Variants in IRS4 observed in about 807,000 individuals in gnomAD.
The protein encoded by IRS4 is 160 kDa phosphotyrosine protein.
In IRS4, 15 loss-of-function variants were observed where a neutral mutation model predicts 48.6. The observed-to-expected ratio is 0.31, with a 90% CI of 0.21 to 0.48. IRS4 has a LOEUF of 0.48. Among genes scored for constraint, IRS4 ranks in the 20% least tolerant of loss-of-function variants. The pLI is 0.99. For missense variants in IRS4, 987 were observed against 1,023.4 expected, an observed-to-expected ratio of 0.96 and a Z score of 0.49; for synonymous variants, 459 against 413.2, an observed-to-expected ratio of 1.11 and a Z score of -1.34.
chrX:108,733,905 G>C lies in IRS4; in HGVS notation c.2440C>G (p.Pro814Ala), dbSNP rs1367359417. The C allele has an allele frequency of 1.7e-6, 2 of 1,209,689 alleles. No homozygotes were observed. The highest frequency in any genetic ancestry group is 2.2e-5 in the Admixed American group (1 of 45,795). Residue 814 changes from proline to alanine, a missense_variant, in exon 1 of 2, where the codon CCT (proline) becomes GCT (alanine). Physicochemically the swap from Pro to Ala is conservative, Grantham distance 27. This residue lies in a region of IRS4 where 720 missense variants were observed against 660.3 expected (regional missense o/e 1.09). Transcript: ENST00000372129. ...TGTCCCAAAGGTGAGCTCCGAAAAG[G>C]GTTTGGTAGAGAGAAGTAGGAGCTC... is the stretch of plus-strand genomic sequence containing the variant. The part of the protein sequence containing the change: ...SWSSYFSLPN[P>A]FRSSPLGQND...
At chrX:108,729,288 G>T (rs868059600) in intron 1 of IRS4, among the ~76,000 whole-genome samples, 1 of 101,638 alleles carries the variant, frequency 9.8e-6, no homozygotes, top group Non-Finnish European at 2.0e-5. Context: ...AATTACTAAA[G>T]TTTTTTTTTT....
rs1466061710 is a variant in IRS4, at chrX:108,736,184, A to G, written c.161T>C (p.Met54Thr). 6 of 1,207,392 alleles carry G rather than the reference A, an allele frequency of 5.0e-6. No homozygotes were observed. The highest frequency in any genetic ancestry group is 6.7e-6 in the Non-Finnish European group (6 of 894,057). ...IGTGSSCPGA[M>T]WLSTATGSRS... ...GGAGCCAGTGGCCGTGGAGAGCCACATGGCTCCCGGACAAGACGACCCGGT... is the reference window on the plus strand; with the variant it reads ...GGAGCCAGTGGCCGTGGAGAGCCACGTGGCTCCCGGACAAGACGACCCGGT... Residue 54 changes from methionine (M) to threonine (T), a missense_variant, in exon 1 of 2, where the codon ATG (methionine) becomes ACG (threonine). Coordinates refer to ENST00000372129, the MANE Select transcript of IRS4 (RefSeq NM_001379150.1).
chrX:108,727,513 G>T (rs2068881567), intron 1 of IRS4, among the ~76,000 whole-genome samples: 2 of 111,872 alleles, frequency 1.8e-5, no homozygotes, highest in Admixed American at 1.9e-4. Context: ...AAAACTCAGT[G>T]CTTTGTGATG....
chrX:108,720,617 C>G lies in IRS4; in HGVS notation c.*1902G>C, dbSNP rs2068852548. The G allele has an allele frequency of 9.0e-6, 1 of 111,591 alleles. No individual in the cohort carries two copies. The highest frequency in any genetic ancestry group is 3.7e-4 in the South Asian group (1 of 2,692). 9.2% of individuals were successfully genotyped at this position (111,591 alleles called of 1,213,427 possible). On this transcript the variant is annotated 3_prime_UTR_variant, in exon 2 of 2. Transcript: ENST00000372129. ...TAATCTTTTTTCCCACAATTCTGAACAATTATTACTTAACTTACTTGAAAA... is the reference window on the plus strand; with the variant it reads ...TAATCTTTTTTCCCACAATTCTGAAGAATTATTACTTAACTTACTTGAAAA...
rs1372396612 is a variant in IRS4, at chrX:108,733,447, C to T, written c.2898G>A (p.Val966=). ...FSNYVNVEFG[V]PFPNPANDLS... ...GGTCGTTTGCTGGATTTGGAAATGG[C>T]ACTCCAAACTCAACATTCACATAAT... is the stretch of plus-strand genomic sequence containing the variant. The change falls in exon 1 of 2, where the codon GTG becomes GTA. Residue 966 remains valine, a synonymous_variant. Coordinates refer to ENST00000372129, the MANE Select transcript of IRS4 (RefSeq NM_001379150.1). 1.9e-5 allele frequency: 23 copies of T among 1,209,622 alleles called. No homozygotes were observed. The highest frequency in any genetic ancestry group is 3.5e-5 in the South Asian group (2 of 56,780).
rs1465107391 is a variant in IRS4, at chrX:108,733,781, G to C, written c.2564C>G (p.Ala855Gly). ...TGATCCCTCACCTGAAGGCTTTGAA[G>C]CTGCATCTTTGGGGTCCCAGTTATA... ...VSYNWDPKDAASKPSGEGSFS... is the reference protein window; with the variant it reads ...VSYNWDPKDAGSKPSGEGSFS... The change falls in exon 1 of 2, where the codon GCT becomes GGT. Residue 855 changes from alanine (A) to glycine (G), a missense_variant. Physicochemically the swap from Ala to Gly is moderately conservative, Grantham distance 60 (BLOSUM62 0). Coordinates refer to ENST00000372129, the MANE Select transcript of IRS4 (RefSeq NM_001379150.1). The C allele has an allele frequency of 1.7e-6, 2 of 1,211,929 alleles. No individual in the cohort carries two copies. The highest frequency in any genetic ancestry group is 4.3e-5 in the Admixed American group (2 of 46,097).
rs780457158 is a variant in IRS4 at position 108,733,829 on chromosome X, C to T, written c.2516G>A (p.Arg839Lys). 10 of 1,211,486 alleles carry T rather than the reference C, an allele frequency of 8.3e-6. No individual in the cohort carries two copies. The highest frequency in any genetic ancestry group is 1.1e-5 in the Non-Finnish European group (10 of 895,490). Reference sequence around the variant, plus strand: ...ATAGGAGACTTCTTTGTCTAGGCCCCTCCCCAGGAACTTTCCAGGTAACAT... The same window carrying T: ...ATAGGAGACTTCTTTGTCTAGGCCCTTCCCCAGGAACTTTCCAGGTAACAT... ...VPMLPGKFLG[R>K]GLDKEVSYNW... Residue 839 changes from arginine (R) to lysine (K), a missense_variant, in exon 1 of 2, where the codon AGG becomes AAG. By Grantham distance (26) the Arg-to-Lys change is conservative (BLOSUM62 2). This residue lies in a region of IRS4 where 720 missense variants were observed against 660.3 expected (regional missense o/e 1.09). Coordinates refer to ENST00000372129, the MANE Select transcript of IRS4 (RefSeq NM_001379150.1).
rs762095063 is a variant in IRS4 at position 108,722,061 on chromosome X, A to T, written c.*458T>A. 1.8e-5 allele frequency: 2 copies of T among 112,269 alleles called. No homozygotes were observed. Among genetic ancestry groups the T allele is most frequent in the Non-Finnish European group, 3.7e-5 (2 of 53,363 alleles). The allele number at this position is 112,269 out of a possible 1,213,427, so 9.3% of individuals were successfully genotyped here. ...TCCAGATCATACCTTCCTTCCAATTATGACAGCTGTTTTTTCTTTATGTGC... is the reference window on the plus strand; with the variant it reads ...TCCAGATCATACCTTCCTTCCAATTTTGACAGCTGTTTTTTCTTTATGTGC... On this transcript the variant is annotated 3_prime_UTR_variant, in exon 2 of 2. Coordinates refer to ENST00000372129, the MANE Select transcript of IRS4 (RefSeq NM_001379150.1).
Position 108,734,008 on chromosome X carries a change from G to A in IRS4, c.2337C>T (p.Tyr779=), listed in dbSNP as rs1030555460. The change falls in exon 1 of 2, where the codon TAC becomes TAT. Residue 779 remains tyrosine, a synonymous_variant. Transcript: ENST00000372129. ...CACCGGCTCCAGGAGCCATAAACATGTAGTCACTCTCACTGTCATTGTCCT... is the reference window on the plus strand; with the variant it reads ...CACCGGCTCCAGGAGCCATAAACATATAGTCACTCTCACTGTCATTGTCCT... The part of the protein sequence containing the change: ...DSKDNDSESD[Y]MFMAPGAGAI... The A allele has an allele frequency of 1.7e-6, 2 of 1,209,787 alleles. No homozygotes were observed. The highest frequency in any genetic ancestry group is 2.2e-6 in the Non-Finnish European group (2 of 894,973).
At position 108,733,023 on chromosome X, in the gene IRS4, G is replaced by C. The variant is rs759407828; in HGVS notation, c.3322C>G (p.Leu1108Val). ...GAGGATGGGGAAAGGTCTCTCTCGA[G>C]GCTGTCTGTTGGAAAAGCAGAGACA... ...AAVSAFPTDS[L>V]ERDLSPSSAP... is the part of the protein sequence containing the mutation. Residue 1108 changes from leucine (L) to valine (V), a missense_variant, in exon 1 of 2, where the codon CTC becomes GTC. Around this residue, in one of 4 missense-constraint regions of IRS4, gnomAD observed 720 missense variants for 660.3 expected, o/e 1.09. Transcript: ENST00000372129. 3.7e-5 allele frequency: 45 copies of C among 1,209,801 alleles called. No individual in the cohort carries two copies. In the East Asian group the frequency reaches 1.3e-3, roughly 34 times the overall value.
chrX:108,728,116 T>C (rs774973678), intron 1 of IRS4, among the ~76,000 whole-genome samples: 22 of 112,501 alleles, frequency 2.0e-4, no homozygotes, highest in African/African-American at 6.4e-4. Context: ...TTCACTTTCT[T>C]TCCTTTCAAT....
intron 1 of IRS4, among the ~76,000 whole-genome samples, chrX:108,725,240 A>C (rs1439942769): frequency 3.6e-5 from 4 of 110,844 alleles, no homozygotes; most frequent in Non-Finnish European, 7.5e-5. Flanking sequence ...GCTCAGAGAA[A>C]GGTGAACCTA....
At chrX:108,728,837 G>A (rs1225154212) in intron 1 of IRS4, among the ~76,000 whole-genome samples, 4 of 111,700 alleles carry the variant, frequency 3.6e-5, no homozygotes, top group African/African-American at 1.3e-4. Flanking sequence ...GATCTCGTTC[G>A]AATTTTTATA....
Sources: gnomAD v4.1 joint callset for allele counts (sites outside exome capture counted in the v4.1 genomes callset) on GRCh38, gnomAD v4.1.1 for gene constraint, gnomAD v4.1.1 regional missense constraint, MANE v1.5 for transcripts, NCBI Gene and HGNC (gene_info 2026-07-23, HGNC 2026-07-21) for gene names.